Variants in COL17A1 observed in about 807,000 individuals in gnomAD.
COL17A1 encodes the protein collagen type XVII alpha 1 chain.
Under a neutral mutation model 218.4 loss-of-function variants are expected in COL17A1, and 181 were observed. The ratio of observed to expected loss-of-function variants is 0.83; its 90% CI spans 0.73 to 0.94. The LOEUF (loss-of-function observed/expected upper bound fraction) is 0.94. Among genes scored for constraint, COL17A1 ranks in the 40% least tolerant of loss-of-function variants. The pLI, the probability that COL17A1 is intolerant of heterozygous loss-of-function variation, is 0.00. For missense variants in COL17A1, 1,924 were observed against 1,945.9 expected, an observed-to-expected ratio of 0.99 and a Z score of 0.21; for synonymous variants, 721 against 731.0, an observed-to-expected ratio of 0.99 and a Z score of 0.22.
chr10:104,045,876 C>G (rs1279636888), intron 32 of COL17A1, 83 bp from the exon 33 acceptor site: 1 of 1,096,576 alleles, frequency 9.1e-7, no homozygotes, highest in Non-Finnish European at 1.4e-6. Context: ...TGCTCCGTCA[C>G]TCAGCACAGC....
intron 16 of COL17A1, 106 bp from the exon 17 acceptor site, chr10:104,057,278 G>C (rs552729216): frequency 1.3e-5 from 20 of 1,573,698 alleles, no homozygotes; most frequent in Non-Finnish European, 1.7e-5. Flanking sequence ...CTACGACTGG[G>C]GGCTTTCAAG....
At position 104,063,818 on chromosome 10, in the gene COL17A1, A is replaced by G. The variant is rs142685584; in HGVS notation, c.767T>C (p.Val256Ala). ...CGCCATGTTGTTTGGAACTCCGAAG[A>G]CTGCAGGGGCAAGGAGGAAGGCTGG... ...LNTNAYSAGS[V>A]FGVPNNMASC... The change falls in exon 11 of 56, where the codon GTC becomes GCC. Residue 256 changes from valine to alanine, a missense_variant and splice_region_variant. Val to Ala is a moderately conservative substitution (Grantham distance 64, BLOSUM62 0). Transcript: ENST00000648076. 1.9e-6 allele frequency: 3 copies of G among 1,614,088 alleles called. No individual in the cohort carries two copies. Among genetic ancestry groups the G allele is most frequent in the African/African-American group, 1.3e-5 (1 of 74,938 alleles).
intron 7 of COL17A1, among the ~76,000 whole-genome samples, chr10:104,072,815 GA>G (rs1357362457): frequency 6.6e-6 from 1 of 151,622 alleles, no homozygotes; most frequent in African/African-American, 2.4e-5. Flanking sequence ...GATGAATTTT[GA>G]AAAAAAATTT....
At position 104,041,506 on chromosome 10, in the gene COL17A1, G is replaced by A. The variant is rs766680640; in HGVS notation, c.2584C>T (p.Pro862Ser). 1.9e-6 allele frequency: 3 copies of A among 1,613,704 alleles called. No individual in the cohort carries two copies. In the Admixed American group the frequency reaches 5.0e-5, roughly 27 times the overall value. The change falls in exon 37 of 56, where the codon CCC becomes TCC. Residue 862 changes from proline (P) to serine (S), a missense_variant. By Grantham distance (74) the Pro-to-Ser change is moderately conservative. Coordinates refer to ENST00000648076, the MANE Select transcript of COL17A1 (RefSeq NM_000494.4). ...TCACCTGGTGGCCCGCGTGGGCCGGGTGGGCCTGGGGGACCTTGTAAATTA... is the reference window on the plus strand; with the variant it reads ...TCACCTGGTGGCCCGCGTGGGCCGGATGGGCCTGGGGGACCTTGTAAATTA... ...VLNLQGPPGP[P>S]GPRGPPGPSI...
intron 9 of COL17A1, among the ~76,000 whole-genome samples, chr10:104,070,040 T>A (rs1032554977): frequency 2.0e-5 from 3 of 152,182 alleles, no homozygotes; most frequent in African/African-American, 7.2e-5. Flanking sequence ...GGGGTGGATA[T>A]GGTTAGGATT....
intron 15 of COL17A1, chr10:104,059,353 G>A (rs1278061573): frequency 4.2e-6 from 2 of 478,260 alleles, no homozygotes; most frequent in Admixed American, 3.4e-5. Context: ...TGAAGATTAT[G>A]GAGAAAAAGT....
At chr10:104,083,293 A>T (rs921727589) in intron 1 of COL17A1, among the ~76,000 whole-genome samples, 1 of 152,156 alleles carries the variant, frequency 6.6e-6, no homozygotes, top group African/African-American at 2.4e-5. Flanking sequence ...GAGCCTGCCT[A>T]TCCTAGCAGG....
At chr10:104,067,986 G>C (rs917657982) in intron 9 of COL17A1, among the ~76,000 whole-genome samples, 3 of 152,190 alleles carry the variant, frequency 2.0e-5, no homozygotes, top group African/African-American at 7.2e-5. Flanking sequence ...CAGGGAAAGA[G>C]AGAGAGGCCA....
At chr10:104,051,457 A>G (rs772774605) in intron 25 of COL17A1, 24 bp downstream of exon 25, 1 of 1,613,936 alleles carries the variant, frequency 6.2e-7, no homozygotes, top group South Asian at 1.1e-5. Context: ...AACAGAACCT[A>G]TTTACAAGAA....
chr10:104,082,083 T>G (rs545515750), intron 1 of COL17A1, among the ~76,000 whole-genome samples: 2 of 152,270 alleles, frequency 1.3e-5, no homozygotes, highest in East Asian at 3.9e-4. Context: ...ACACTTAGCT[T>G]CAGGCCCTAG....
rs1445558972 is a variant in COL17A1 at position 104,072,709 on chromosome 10, T to A, written c.415+501A>T. 2.0e-5 allele frequency among the ~76,000 whole-genome samples: 3 copies of A among 152,186 alleles called. No homozygotes were observed. In the East Asian group the frequency reaches 5.8e-4, roughly 29 times the overall value. ...TGCTGCCCCCTACCCTGCCCAAAGC[T>A]TAGCAAGGGCTGCTTCTCCCAGGAC... is the stretch of plus-strand genomic sequence containing the variant. On this transcript the variant is annotated intron_variant, in intron 7 of 55. Transcript: ENST00000648076.
At chr10:104,042,347 C>T (rs1401389089) in intron 36 of COL17A1, 73 bp downstream of exon 36, 2 of 1,488,694 alleles carry the variant, frequency 1.3e-6, no homozygotes, top group Non-Finnish European at 1.9e-6. Flanking sequence ...AACAGAGAGG[C>T]CCATGTCCAC....
rs774922476 is a variant in COL17A1, at chr10:104,058,194, A to G, written c.1223-4T>C. 7 of 1,614,198 alleles carry G rather than the reference A, an allele frequency of 4.3e-6. No homozygotes were observed. Among genetic ancestry groups the G allele is most frequent in the Non-Finnish European group, 5.1e-6 (6 of 1,180,018 alleles). On this transcript the variant is annotated splice_polypyrimidine_tract_variant and splice_region_variant and intron_variant, in intron 15 of 55. Transcript: ENST00000648076. Reference sequence around the variant, plus strand: ...GTGGACACAGTCTTCAGGTCTCCTGAAAGGACAAACAGATTGACCTGAGCT... The same window carrying G: ...GTGGACACAGTCTTCAGGTCTCCTGGAAGGACAAACAGATTGACCTGAGCT...
At chr10:104,050,968 G>GCA in intron 25 of COL17A1, 67 bp from the exon 26 acceptor site, 1 of 1,608,686 alleles carries the variant, frequency 6.2e-7, no homozygotes, top group Non-Finnish European at 8.5e-7. Flanking sequence ...AGACATGTAT[G>GCA]CACACACATG....
chr10:104,063,770 G>A lies in COL17A1; in HGVS notation c.815C>T (p.Pro272Leu). 5 of 1,614,218 alleles carry A rather than the reference G, an allele frequency of 3.1e-6. No individual in the cohort carries two copies. The South Asian group carries it at 5.5e-5, about 18-fold the overall frequency. Residue 272 changes from proline (P) to leucine (L), a missense_variant, in exon 11 of 56, where the codon CCT becomes CTT. Pro to Leu is a moderately conservative substitution (Grantham distance 98, BLOSUM62 -3). Transcript: ENST00000648076. Reference protein sequence around the residue: ...NMASCSPTLHPGLSTSSSVFG... With the variant: ...NMASCSPTLHLGLSTSSSVFG... ...ACCTGAGGAGGATGTGCTGAGTCCA[G>A]GGTGCAAAGTGGGTGAGCAGGACGC... is the stretch of plus-strand genomic sequence containing the variant.
In COL17A1 at chr10:104,047,736, T is replaced by C. The variant is rs114340599; in HGVS notation, c.2335+3A>G. On this transcript the variant is annotated splice_donor_region_variant and intron_variant, in intron 31 of 55. Transcript: ENST00000648076. The stretch of plus-strand genomic sequence containing the variant: ...CCATGGCTCCCTCTTCCTGCTCTGT[T>C]ACCTGGCTTTCCTGGGTCTCCAGAA... 3.2e-4 allele frequency: 511 copies of C among 1,613,648 alleles called. 1 individual carries two copies. In the African/African-American group the frequency reaches 6.1e-3, roughly 19 times the overall value.
At chr10:104,055,277 A>G (rs954600938) in intron 19 of COL17A1, 95 bp downstream of exon 19, 8 of 1,591,950 alleles carry the variant, frequency 5.0e-6, no homozygotes, top group African/African-American at 1.3e-5. Flanking sequence ...TCATCCTTCC[A>G]TTTAGAACAA....
intron 22 of COL17A1, 80 bp downstream of exon 22, chr10:104,053,840 T>C (rs2086493569): frequency 4.7e-6 from 4 of 846,592 alleles, no homozygotes; most frequent in Middle Eastern, 2.4e-4. Context: ...AGGCCTCACA[T>C]ACAGCAGGCA....
At position 104,035,466 on chromosome 10, in the gene COL17A1, G is replaced by T. The variant is rs1411699374; in HGVS notation, c.3508+8C>A. 1 of 1,614,048 alleles carries T rather than the reference G, an allele frequency of 6.2e-7. No individual in the cohort carries two copies. The highest frequency in any genetic ancestry group is 8.5e-7 in the Non-Finnish European group (1 of 1,179,978). ...CCAGTTGGACAGATGTCCCCTGCTGGGCCTTACCTCGCAGCAAGGAGAGGA... is the reference window on the plus strand; with the variant it reads ...CCAGTTGGACAGATGTCCCCTGCTGTGCCTTACCTCGCAGCAAGGAGAGGA... On this transcript the variant is annotated splice_region_variant and intron_variant, in intron 49 of 55. Transcript: ENST00000648076.
Sources: allele counts gnomAD v4.1 joint callset (sites outside exome capture counted in the v4.1 genomes callset), GRCh38; gene constraint gnomAD v4.1.1; transcripts MANE v1.5; gene names NCBI Gene and HGNC (gene_info 2026-07-23, HGNC 2026-07-21).